The following SUMF1 variants were observed in gnomAD, a reference collection of about 807,000 sequenced individuals.
SUMF1 encodes the protein formylglycine-generating enzyme.
SUMF1 carries 48 observed loss-of-function variants against 47.6 expected under a neutral mutation model. The observed-to-expected ratio is 1.01, with a 90% CI of 0.80 to 1.28. The LOEUF is 1.28. Among genes scored for constraint, SUMF1 ranks in the 50% most tolerant of loss-of-function variants. The probability of loss-of-function intolerance (pLI) is 0.00; values close to 1 mark genes in which losing one functional copy is unlikely to be tolerated. For synonymous variants in SUMF1, 230 were observed against 192.1 expected, an observed-to-expected ratio of 1.20 and a Z score of -1.63; for missense variants, 571 against 485.4, an observed-to-expected ratio of 1.18 and a Z score of -1.66.
chr3:4,157,013 G>C (rs1694468559), intron 8 of SUMF1, among the ~76,000 whole-genome samples: 1 of 151,552 alleles, frequency 6.6e-6, no homozygotes, highest in African/African-American at 2.4e-5. Context: ...GGACACATCT[G>C]TCTGCATCTT....
chr3:4,034,794 A>G (rs1258428923), intron 9 of SUMF1, among the ~76,000 whole-genome samples: 1 of 152,072 alleles, frequency 6.6e-6, no homozygotes, highest in Non-Finnish European at 1.5e-5. Flanking sequence ...AGGTAGGTAT[A>G]AGTAGACTGC....
At position 4,178,644 on chromosome 3, in the gene SUMF1, G is replaced by C. The variant is rs575950039; in HGVS notation, c.1015-109899C>G. Among the ~76,000 whole-genome samples, 200 of 152,180 alleles carry C rather than the reference G, an allele frequency of 1.3e-3. 2 individuals carry two copies. The highest frequency in any genetic ancestry group is 6.7e-3 in the Admixed American group (102 of 15,280). ...GAAAACTGGCACAAGACAGGGCTGCGCTCTCTCACCACTCCTATTCAACAT... is the reference window on the plus strand; with the variant it reads ...GAAAACTGGCACAAGACAGGGCTGCCCTCTCTCACCACTCCTATTCAACAT... On this transcript the variant is annotated intron_variant and NMD_transcript_variant, in intron 8 of 12. Coordinates refer to the SUMF1 transcript ENST00000448413.
intron 8 of SUMF1, among the ~76,000 whole-genome samples, chr3:4,178,336 A>G (rs1361268533): frequency 1.3e-5 from 2 of 152,220 alleles, no homozygotes; most frequent in African/African-American, 4.8e-5. Context: ...CAAAAAGCTT[A>G]TCCACCACAA....
intron 3 of SUMF1, among the ~76,000 whole-genome samples, chr3:4,426,816 C>T (rs1702082990): frequency 6.6e-6 from 1 of 152,162 alleles, no homozygotes; most frequent in African/African-American, 2.4e-5. Flanking sequence ...TACAGCACTC[C>T]CTTATATCCA....
chr3:4,179,006 G>A (rs1406088030), intron 8 of SUMF1, among the ~76,000 whole-genome samples: 3 of 152,068 alleles, frequency 2.0e-5, no homozygotes, highest in African/African-American at 7.2e-5. Flanking sequence ...ACCTCTTCAA[G>A]GAGAACTACA....
At chr3:4,294,693 C>T (rs922586356) in intron 8 of SUMF1, among the ~76,000 whole-genome samples, 12 of 152,036 alleles carry the variant, frequency 7.9e-5, no homozygotes, top group African/African-American at 2.9e-4. Context: ...TTCTTCTTGT[C>T]TGGAAAGAAA....
chr3:4,435,087 C>T (rs1320351608), intron 3 of SUMF1, among the ~76,000 whole-genome samples: 5 of 152,084 alleles, frequency 3.3e-5, no homozygotes, highest in African/African-American at 9.7e-5. Flanking sequence ...CCACCACACC[C>T]GGCTGATTTT....
intron 8 of SUMF1, among the ~76,000 whole-genome samples, chr3:4,252,754 T>C (rs1487530002): frequency 1.3e-5 from 2 of 152,044 alleles, no homozygotes; most frequent in African/African-American, 2.4e-5. Flanking sequence ...TGAAAAATAG[T>C]AGCAAAGCAA....
chr3:4,198,739 C>T (rs1695482612), intron 8 of SUMF1, among the ~76,000 whole-genome samples: 1 of 152,054 alleles, frequency 6.6e-6, no homozygotes, highest in South Asian at 2.1e-4. Flanking sequence ...ACTCAACCCT[C>T]TCCCGCTGAG....
intron 8 of SUMF1, chr3:4,313,748 G>T (rs768840346): frequency 1.5e-5 from 24 of 1,613,890 alleles, no homozygotes; most frequent in Non-Finnish European, 1.8e-5. Context: ...TCCTGCAAGC[G>T]ATTGACCCTT....
intron 7 of SUMF1, among the ~76,000 whole-genome samples, chr3:4,387,225 G>T (rs1450290726): frequency 3.3e-5 from 5 of 151,918 alleles, no homozygotes; most frequent in Admixed American, 1.3e-4. Context: ...TTTGGGCCTG[G>T]AGATTTGTTT....
chr3:4,076,889 A>G (rs1243821), intron 8 of SUMF1, among the ~76,000 whole-genome samples: 47,418 of 151,874 alleles, frequency 0.31, 7,806 homozygotes, highest in Admixed American at 0.43. Flanking sequence ...CTGTAGTCCC[A>G]GCTACTCGGG....
At chr3:4,046,687 C>A (rs567682166) in intron 9 of SUMF1, among the ~76,000 whole-genome samples, 3 of 150,936 alleles carry the variant, frequency 2.0e-5, no homozygotes, top group Non-Finnish European at 4.4e-5. Flanking sequence ...TCCCTTTTCT[C>A]CAGTCTATAA....
chr3:4,080,872 T>C (rs1692545233), intron 8 of SUMF1, among the ~76,000 whole-genome samples: 1 of 152,150 alleles, frequency 6.6e-6, no homozygotes, highest in Admixed American at 6.6e-5. Context: ...ATTAAGAATC[T>C]GGACTCAGGA....
At chr3:4,453,777 A>G (rs1575243077) in intron 1 of SUMF1, among the ~76,000 whole-genome samples, 1 of 151,286 alleles carries the variant, frequency 6.6e-6, no homozygotes, top group African/African-American at 2.4e-5. Flanking sequence ...CAGGTGATCC[A>G]CCCGCCTCGG....
chr3:4,426,258 C>T (rs2125060093), intron 3 of SUMF1, among the ~76,000 whole-genome samples: 1 of 152,234 alleles, frequency 6.6e-6, no homozygotes. Flanking sequence ...TAAGTCACCA[C>T]TGTGATGGTC....
chr3:4,388,831 A>G (rs528677901), intron 7 of SUMF1, among the ~76,000 whole-genome samples: 1 of 152,218 alleles, frequency 6.6e-6, no homozygotes, highest in South Asian at 2.1e-4. Context: ...CAGTCTACTC[A>G]TGTCATTTTA....
chr3:4,391,254 GT>G (rs909220330), intron 7 of SUMF1, among the ~76,000 whole-genome samples: 4 of 151,970 alleles, frequency 2.6e-5, no homozygotes, highest in Admixed American at 2.0e-4. Context: ...TTTTGTTTTT[GT>G]TTTTGTTTTT....
chr3:4,363,561 G>C (rs1699843096), intron 8 of SUMF1, among the ~76,000 whole-genome samples: 1 of 151,706 alleles, frequency 6.6e-6, no homozygotes, highest in Non-Finnish European at 1.5e-5. Context: ...TGTGATTTTT[G>C]TACATTGATT....
Sources: allele counts gnomAD v4.1 joint callset (sites outside exome capture counted in the v4.1 genomes callset), GRCh38; gene constraint gnomAD v4.1.1; transcripts MANE v1.5; gene names NCBI Gene and HGNC (gene_info 2026-07-23, HGNC 2026-07-21).